The following ARPC4 variants were observed in gnomAD, a reference collection of about 807,000 sequenced individuals.
ARPC4 encodes the protein actin related protein 2/3 complex subunit 4.
A neutral mutation model predicts 22.8 loss-of-function variants in ARPC4; 3 were observed. The ratio of observed to expected loss-of-function variants is 0.13; its 90% CI spans 0.06 to 0.34. ARPC4 has a LOEUF of 0.34. Among genes scored for constraint, ARPC4 ranks in the 10% least tolerant of loss-of-function variants. ARPC4 has a pLI of 1.00. For synonymous variants in ARPC4, 80 were observed against 72.5 expected (o/e 1.10, Z -0.52); for missense variants, 98 against 211.0 (o/e 0.46, Z 3.32).
intron 2 of ARPC4, among the ~76,000 whole-genome samples, chr3:9,798,829 G>A (rs369412633): frequency 4.6e-5 from 7 of 152,210 alleles, no homozygotes; most frequent in African/African-American, 9.6e-5. Flanking sequence ...AGCCAAGATC[G>A]TGCCACCGCA....
At chr3:9,799,822 C>G in intron 2 of ARPC4, 2 of 463,404 alleles carry the variant, frequency 4.3e-6, no homozygotes, top group Non-Finnish European at 8.6e-6. Flanking sequence ...TTTTGTAAAG[C>G]TCCTACTATG....
In ARPC4 at chr3:9,806,382, C is replaced by T; in HGVS notation, c.*167C>T. On this transcript the variant is annotated 3_prime_UTR_variant, in exon 6 of 6. Transcript: ENST00000397261. ...GCTTGCTAGCTGGGCAAGAAAGCAG[C>T]AGTGGACCTGCCCCAAGGCCACACG... is the stretch of plus-strand genomic sequence containing the variant. 1 of 781,702 alleles carries T rather than the reference C, an allele frequency of 1.3e-6. No individual in the cohort carries two copies. Among genetic ancestry groups the T allele is most frequent in the South Asian group, 1.5e-5 (1 of 65,588 alleles). The allele number at this position is 781,702 out of a possible 1,614,324, so 48.4% of individuals were successfully genotyped here.
chr3:9,800,438 T>A, intron 3 of ARPC4, 142 bp downstream of exon 3: 1 of 747,854 alleles, frequency 1.3e-6, no homozygotes, highest in East Asian at 2.7e-5. Flanking sequence ...CTTCCTTTTT[T>A]TTTGACACGG....
chr3:9,793,192 G>T (rs778668107), intron 1 of ARPC4, 68 bp downstream of exon 1: 3 of 1,512,336 alleles, frequency 2.0e-6, no homozygotes, highest in South Asian at 2.4e-5. Context: ...GTCGGTGGGA[G>T]ATGTGGCTTT....
At chr3:9,793,257 G>T (rs990872332) in intron 1 of ARPC4, 133 bp downstream of exon 1, 1 of 1,419,576 alleles carries the variant, frequency 7.0e-7, no homozygotes, top group African/African-American at 1.5e-5. Context: ...CACGATGAGG[G>T]TGGGAAAAAG....
intron 1 of ARPC4, among the ~76,000 whole-genome samples, chr3:9,793,850 C>G (rs1383275808): frequency 6.6e-6 from 1 of 152,148 alleles, no homozygotes; most frequent in Non-Finnish European, 1.5e-5. Flanking sequence ...CTGGTGATAC[C>G]GATCTAGTCT....
chr3:9,793,725 C>T (rs958596981), intron 1 of ARPC4, among the ~76,000 whole-genome samples: 2 of 151,676 alleles, frequency 1.3e-5, no homozygotes, highest in African/African-American at 4.9e-5. Context: ...TCCTGGAAGT[C>T]CTCCCTTTTT....
intron 5 of ARPC4, 82 bp downstream of exon 5, chr3:9,804,095 G>A: frequency 6.6e-7 from 1 of 1,504,654 alleles, no homozygotes; most frequent in Non-Finnish European, 9.1e-7. Context: ...GGTGGGAAAG[G>A]GGTCCAAGCA....
chr3:9,799,200 C>T (rs533477743), intron 2 of ARPC4, among the ~76,000 whole-genome samples: 1 of 152,300 alleles, frequency 6.6e-6, no homozygotes, highest in African/African-American at 2.4e-5. Context: ...TAAAGGAAGC[C>T]AAACTGTGTT....
rs1171012441 is a variant in ARPC4, at chr3:9,797,684, G to A, written c.29G>A (p.Ser10Asn). 2 of 1,613,984 alleles carry A rather than the reference G, an allele frequency of 1.2e-6. No individual in the cohort carries two copies. The highest frequency in any genetic ancestry group is 2.7e-5 in the African/African-American group (2 of 74,902). Residue 10 changes from serine (S) to asparagine (N), a missense_variant, in exon 2 of 6, where the codon AGT becomes AAT. Transcript: ENST00000397261. MTATLRPYL[S>N]AVRATLQAAL... ...ACTGCCACTCTCCGCCCCTACCTGA[G>A]TGCCGTGCGGGCCACATTGCAGGCT... is the stretch of plus-strand genomic sequence containing the variant.
At chr3:9,793,288 G>T (rs747425438) in intron 1 of ARPC4, 164 bp downstream of exon 1, 113 of 1,335,406 alleles carry the variant, frequency 8.5e-5, no homozygotes, top group Non-Finnish European at 1.1e-4. Context: ...GGGGCCCGAG[G>T]TGAGGAAGGG....
upstream of ARPC4, chr3:9,792,613 C>T (rs2125631173): frequency 2.4e-6 from 3 of 1,230,022 alleles, no homozygotes; most frequent in East Asian, 3.2e-5. Context: ...CGGCCTCAGG[C>T]GAGCCCCGGG....
At chr3:9,801,963 G>A (rs1486033886) in intron 4 of ARPC4, among the ~76,000 whole-genome samples, 3 of 152,074 alleles carry the variant, frequency 2.0e-5, no homozygotes, top group South Asian at 2.1e-4. Flanking sequence ...AAAAAGAGCC[G>A]GGCGTGGTGG....
chr3:9,797,289 C>T (rs1393754469), intron 1 of ARPC4, among the ~76,000 whole-genome samples: 3 of 152,150 alleles, frequency 2.0e-5, no homozygotes, highest in Non-Finnish European at 4.4e-5. Context: ...CTCGATAATT[C>T]TTTGTAGTGC....
At chr3:9,803,381 T>A (rs2079052373) in intron 4 of ARPC4, among the ~76,000 whole-genome samples, 1 of 152,142 alleles carries the variant, frequency 6.6e-6, no homozygotes, top group South Asian at 2.1e-4. Flanking sequence ...TGAGCCAAAT[T>A]TTCTCTCCTG....
At position 9,806,993 on chromosome 3, in the gene ARPC4, C is replaced by G. The variant is rs926015037; in HGVS notation, c.*778C>G. On this transcript the variant is annotated 3_prime_UTR_variant, in exon 6 of 6. Transcript: ENST00000397261. ...CAGAGCTTCCTGGCCGGGCCCTCCT[C>G]CTGCCTGTTCTGGCTCCTCTGCTCC... 1 of 152,720 alleles carries G rather than the reference C, an allele frequency of 6.5e-6. No individual in the cohort carries two copies. Among genetic ancestry groups the G allele is most frequent in the South Asian group, 2.1e-4 (1 of 4,836 alleles). 9.5% of individuals were successfully genotyped at this position (152,720 alleles called of 1,614,324 possible).
chr3:9,796,211 C>T (rs1313298195), intron 1 of ARPC4, among the ~76,000 whole-genome samples: 1 of 152,086 alleles, frequency 6.6e-6, no homozygotes. Flanking sequence ...CTGACCAACA[C>T]GGTGAAACTC....
At position 9,803,614 on chromosome 3, in the gene ARPC4, A is replaced by G. The variant is rs1239355514; in HGVS notation, c.331-229A>G. The G allele has an allele frequency of 1.9e-5, 13 of 685,110 alleles. No homozygotes were observed. The African/African-American group carries it at 2.1e-4, about 11-fold the overall frequency. The allele number at this position is 685,110 out of a possible 1,614,324, so 42.4% of individuals were successfully genotyped here. A position where few individuals can be genotyped will look rare whatever the true frequency, so the allele number is the denominator to read the frequency against. On this transcript the variant is annotated intron_variant, in intron 4 of 5. Transcript: ENST00000397261. Reference sequence around the variant, plus strand: ...TTGTGCCACAGATAGTTTTCCAGAGATGTCTGATACACACAGAATTCTCAA... The same window carrying G: ...TTGTGCCACAGATAGTTTTCCAGAGGTGTCTGATACACACAGAATTCTCAA...
chr3:9,796,919 C>T (rs548592352), intron 1 of ARPC4, among the ~76,000 whole-genome samples: 5 of 116,754 alleles, frequency 4.3e-5, no homozygotes, highest in African/African-American at 1.0e-4. Context: ...CCAGCCTGGG[C>T]AACAGAGCGA....
Sources: allele counts gnomAD v4.1 joint callset (sites outside exome capture counted in the v4.1 genomes callset), GRCh38; gene constraint gnomAD v4.1.1; transcripts MANE v1.5; gene names NCBI Gene and HGNC (gene_info 2026-07-23, HGNC 2026-07-21).